The following KIRREL1 variants were observed in gnomAD, a reference collection of about 807,000 sequenced individuals.
The protein encoded by KIRREL1 is kirre like nephrin family adhesion molecule 1.
In KIRREL1, 25 loss-of-function variants were observed where a neutral mutation model predicts 83.3. The observed-to-expected ratio is 0.30, with a 90% confidence interval of 0.22 to 0.42. KIRREL1 has a LOEUF of 0.42. KIRREL1 is among the 10% of genes least tolerant of loss of function. The pLI, the probability that KIRREL1 is intolerant of heterozygous loss-of-function variation, is 1.00. For synonymous variants in KIRREL1, 388 were observed against 410.4 expected, an observed-to-expected ratio of 0.95 and a Z score of 0.66; for missense variants, 812 against 1,032.3, an observed-to-expected ratio of 0.79 and a Z score of 2.92.
At chr1:157,996,893 A>G (rs1222494444) in intron 1 of KIRREL1, among the ~76,000 whole-genome samples, 1 of 151,014 alleles carries the variant, frequency 6.6e-6, no homozygotes, top group Non-Finnish European at 1.5e-5. Flanking sequence ...GCACCTGGTC[A>G]GGAGGAGGAG....
chr1:158,004,719 G>T (rs574627282), intron 1 of KIRREL1, among the ~76,000 whole-genome samples: 23 of 152,174 alleles, frequency 1.5e-4, no homozygotes, highest in African/African-American at 5.1e-4. Context: ...CCAGGTGGGC[G>T]CATCACTTTA....
At chr1:158,051,582 A>T (rs1181856577) in intron 1 of KIRREL1, among the ~76,000 whole-genome samples, 1 of 152,224 alleles carries the variant, frequency 6.6e-6, no homozygotes, top group African/African-American at 2.4e-5. Flanking sequence ...TTGTAGAGAC[A>T]TAGTGAATGG....
At chr1:158,063,047 T>C (rs6680438) in intron 1 of KIRREL1, among the ~76,000 whole-genome samples, 9,514 of 152,296 alleles carry the variant, frequency 0.062, 1,009 homozygotes, top group African/African-American at 0.21. Context: ...TTTCTGTGTC[T>C]TGGCTCATGC....
At chr1:158,052,560 A>G (rs12096455) in intron 1 of KIRREL1, among the ~76,000 whole-genome samples, 23 of 152,000 alleles carry the variant, frequency 1.5e-4, no homozygotes, top group African/African-American at 5.5e-4. Flanking sequence ...CAGGTGGATC[A>G]CGACGTCAGG....
intron 1 of KIRREL1, among the ~76,000 whole-genome samples, chr1:158,057,524 T>C (rs186602931): frequency 1.3e-5 from 2 of 152,340 alleles, no homozygotes; most frequent in African/African-American, 4.8e-5. Flanking sequence ...CACCGTCACC[T>C]AAAGGCTTGG....
intron 3 of KIRREL1, among the ~76,000 whole-genome samples, chr1:158,080,070 G>T (rs1402231830): frequency 2.0e-5 from 3 of 152,144 alleles, no homozygotes; most frequent in African/African-American, 4.8e-5. Context: ...GATCTTGAAT[G>T]CCAAGACATC....
intron 2 of KIRREL1, among the ~76,000 whole-genome samples, chr1:158,076,824 CAT>C (rs1661694374): frequency 6.6e-6 from 1 of 152,250 alleles, no homozygotes; most frequent in Non-Finnish European, 1.5e-5. Context: ...CTGAAGCAAA[CAT>C]AATGAGTCAG....
intron 4 of KIRREL1, among the ~76,000 whole-genome samples, chr1:158,086,332 G>T (rs1662011421): frequency 6.6e-6 from 1 of 152,088 alleles, no homozygotes. Flanking sequence ...GATTGCTTGA[G>T]TCCAAGCTTT....
intron 1 of KIRREL1, among the ~76,000 whole-genome samples, chr1:157,995,232 TG>T (rs1347994973): frequency 6.6e-6 from 1 of 152,118 alleles, no homozygotes; most frequent in Admixed American, 6.5e-5. Flanking sequence ...GCTGAGTTGG[TG>T]GGGGCACGTC....
chr1:158,029,634 G>A (rs1316986555), intron 1 of KIRREL1, among the ~76,000 whole-genome samples: 1 of 152,162 alleles, frequency 6.6e-6, no homozygotes, highest in Non-Finnish European at 1.5e-5. Context: ...GATGGAATGA[G>A]CACCTGTAAT....
intron 1 of KIRREL1, among the ~76,000 whole-genome samples, chr1:158,022,535 C>T (rs1660027640): frequency 6.6e-6 from 1 of 152,200 alleles, no homozygotes; most frequent in Non-Finnish European, 1.5e-5. Flanking sequence ...TATTCTTTGA[C>T]TTCACTTTCC....
At position 158,098,143 on chromosome 1, in the gene KIRREL1, C is replaced by T. The variant is rs1269677339; in HGVS notation, c.*3023C>T. On this transcript the variant is annotated 3_prime_UTR_variant, in exon 15 of 15. Coordinates refer to ENST00000359209, the MANE Select transcript of KIRREL1 (RefSeq NM_018240.7). ...GAAGTGAATTAGTTTCCACCAGGGA[C>T]CCCTTTATCCCAAACAGCAACACAA... 4 of 152,196 alleles carry T rather than the reference C, an allele frequency of 2.6e-5. No homozygotes were observed. The highest frequency in any genetic ancestry group is 9.7e-5 in the African/African-American group (4 of 41,438). 9.4% of individuals were successfully genotyped at this position (152,196 alleles called of 1,614,324 possible).
intron 3 of KIRREL1, among the ~76,000 whole-genome samples, chr1:158,083,234 A>C (rs11802995): frequency 0.2 from 30,378 of 152,172 alleles, 3,198 homozygotes; most frequent in Non-Finnish European, 0.23. Context: ...TGACCATATA[A>C]ATATTAGTGA....
At chr1:158,008,170 G>T (rs560024062) in intron 1 of KIRREL1, among the ~76,000 whole-genome samples, 15 of 152,204 alleles carry the variant, frequency 9.9e-5, no homozygotes, top group South Asian at 6.2e-4. Flanking sequence ...GGGGTGGGGA[G>T]GAAGAGGGAG....
chr1:158,058,350 C>T (rs1661122669), intron 1 of KIRREL1, among the ~76,000 whole-genome samples: 1 of 152,204 alleles, frequency 6.6e-6, no homozygotes, highest in Non-Finnish European at 1.5e-5. Context: ...TCAGCTGACA[C>T]CATAGCTGAC....
intron 1 of KIRREL1, among the ~76,000 whole-genome samples, chr1:158,022,496 T>C (rs559048579): frequency 2.6e-5 from 4 of 152,268 alleles, no homozygotes; most frequent in African/African-American, 9.6e-5. Context: ...CACCCTACTG[T>C]TCTTCTTGCT....
At chr1:158,055,866 A>G (rs1471065610) in intron 1 of KIRREL1, among the ~76,000 whole-genome samples, 5 of 152,224 alleles carry the variant, frequency 3.3e-5, no homozygotes, top group Admixed American at 3.3e-4. Flanking sequence ...ACAGGAGTCC[A>G]GCACCCTCCA....
intron 1 of KIRREL1, among the ~76,000 whole-genome samples, chr1:158,018,103 CT>C (rs1557990331): frequency 6.6e-6 from 1 of 151,964 alleles, no homozygotes; most frequent in African/African-American, 2.4e-5. Context: ...CTTTGATTTC[CT>C]TTTTAGCCAG....
At chr1:158,053,725 G>A (rs7527735) in intron 1 of KIRREL1, among the ~76,000 whole-genome samples, 90,655 of 152,140 alleles carry the variant, frequency 0.6, 29,110 homozygotes, top group East Asian at 0.84. Flanking sequence ...GCTATTTCAT[G>A]TAAATTCCTC....
Sources: gnomAD v4.1 joint callset for allele counts (sites outside exome capture counted in the v4.1 genomes callset) on GRCh38, gnomAD v4.1.1 for gene constraint, MANE v1.5 for transcripts, NCBI Gene and HGNC (gene_info 2026-07-23, HGNC 2026-07-21) for gene names.